The following GRHL2 variants were observed in gnomAD, a reference collection of about 807,000 sequenced individuals.
GRHL2 encodes grainyhead-like protein 2 homolog.
GRHL2 carries 21 observed loss-of-function variants against 83.8 expected under a neutral mutation model. That is an observed-to-expected ratio of 0.25 (90% CI 0.18 to 0.36). The LOEUF (loss-of-function observed/expected upper bound fraction) is 0.36, where lower values mean the gene tolerates loss of function less well. Ranked by LOEUF, GRHL2 falls within the 10% of genes least tolerant of loss-of-function variation. GRHL2 has a pLI of 1.00. For missense variants in GRHL2, 623 were observed against 781.8 expected (o/e 0.80, Z 2.42); for synonymous variants, 280 against 278.9 (o/e 1.00, Z -0.04).
At chr8:101,525,677 A>G (rs1810789198) in intron 1 of GRHL2, among the ~76,000 whole-genome samples, 1 of 152,092 alleles carries the variant, frequency 6.6e-6, no homozygotes, top group South Asian at 2.1e-4. Flanking sequence ...TTTTGAAATG[A>G]AACATAACTG....
chr8:101,514,208 A>G (rs1316139340), intron 1 of GRHL2, among the ~76,000 whole-genome samples: 1 of 152,208 alleles, frequency 6.6e-6, no homozygotes, highest in Non-Finnish European at 1.5e-5. Flanking sequence ...TTTTATGAAT[A>G]CTTGGCTAGA....
At chr8:101,599,451 A>G (rs1271070407) in intron 8 of GRHL2, among the ~76,000 whole-genome samples, 2 of 152,078 alleles carry the variant, frequency 1.3e-5, no homozygotes, top group Non-Finnish European at 2.9e-5. Flanking sequence ...GATTCCCCCA[A>G]AGGCGTCTCT....
At chr8:101,612,971 CTG>C (rs1246102256) in intron 8 of GRHL2, among the ~76,000 whole-genome samples, 12 of 151,080 alleles carry the variant, frequency 7.9e-5, no homozygotes, top group Middle Eastern at 3.4e-3. Context: ...ATTTGACAGA[CTG>C]TGCCACTGGT....
intron 14 of GRHL2, among the ~76,000 whole-genome samples, chr8:101,654,717 G>C (rs556610363): frequency 1.5e-3 from 233 of 152,292 alleles, no homozygotes; most frequent in Non-Finnish European, 2.3e-3. Flanking sequence ...CAGATTTGTT[G>C]AACAGTTTGG....
intron 1 of GRHL2, among the ~76,000 whole-genome samples, chr8:101,501,585 G>A (rs554575589): frequency 2.2e-4 from 34 of 152,172 alleles, no homozygotes; most frequent in Non-Finnish European, 4.4e-4. Context: ...TGGAGTGTGA[G>A]CGGCCAGCAG....
chr8:101,529,523 G>C (rs551712578), intron 1 of GRHL2: 1 of 217,234 alleles, frequency 4.6e-6, no homozygotes, highest in African/African-American at 2.3e-5. Flanking sequence ...TCTTGCTTTA[G>C]TTCAGCAATC....
At chr8:101,661,241 G>A (rs1167628227) in intron 14 of GRHL2, among the ~76,000 whole-genome samples, 3 of 152,140 alleles carry the variant, frequency 2.0e-5, no homozygotes. Context: ...CCAAAAGATT[G>A]GACACCTCTG....
Position 101,661,295 on chromosome 8 carries a change from T to C in GRHL2, c.1699-3159T>C, listed in dbSNP as rs569788825. Reference sequence around the variant, plus strand: ...ACAGCATGCCACTGGTGGCTTTTTTTCCTTCCCCTTTTCTCTAGTTTGGTG... The same window carrying C: ...ACAGCATGCCACTGGTGGCTTTTTTCCCTTCCCCTTTTCTCTAGTTTGGTG... On this transcript the variant is annotated intron_variant, in intron 14 of 15. Transcript: ENST00000646743. Among the ~76,000 whole-genome samples, 41 of 152,332 alleles carry C rather than the reference T, an allele frequency of 2.7e-4. 1 individual carries two copies. The highest frequency in any genetic ancestry group is 8.9e-4 in the African/African-American group (37 of 41,564).
intron 1 of GRHL2, among the ~76,000 whole-genome samples, chr8:101,532,369 A>G (rs1260225081): frequency 6.6e-6 from 1 of 152,234 alleles, no homozygotes; most frequent in Non-Finnish European, 1.5e-5. Context: ...TGAAGTGATT[A>G]CTTAAGTCAG....
intron 8 of GRHL2, among the ~76,000 whole-genome samples, chr8:101,607,207 G>A (rs1488241256): frequency 1.3e-5 from 2 of 152,186 alleles, no homozygotes; most frequent in Non-Finnish European, 1.5e-5. Flanking sequence ...GAAAATTAAA[G>A]TTTTGATAGT....
chr8:101,501,659 T>C (rs1401737826), intron 1 of GRHL2, among the ~76,000 whole-genome samples: 3 of 152,032 alleles, frequency 2.0e-5, no homozygotes, highest in African/African-American at 7.2e-5. Flanking sequence ...ATAATTGGTT[T>C]TGGTTTTAAT....
intron 11 of GRHL2, among the ~76,000 whole-genome samples, chr8:101,632,735 A>G (rs1442037416): frequency 3.3e-5 from 5 of 152,230 alleles, no homozygotes; most frequent in African/African-American, 1.2e-4. Context: ...CTGTAACTGC[A>G]TAAAGTTGCA....
At position 101,514,297 on chromosome 8, in the gene GRHL2, G is replaced by T. The variant is rs1471767589; in HGVS notation, c.20+21508G>T. Among the ~76,000 whole-genome samples the T allele has an allele frequency of 6.6e-5, 10 of 152,312 alleles. No homozygotes were observed. The East Asian group carries it at 1.9e-3, about 29-fold the overall frequency. ...TGGGACCAATAAGTGAAAACAAAGA[G>T]ACTTTGTCTCAGTTTATGTATGTGT... On this transcript the variant is annotated intron_variant, in intron 1 of 15. Transcript: ENST00000646743.
chr8:101,632,398 C>T (rs759881918), intron 11 of GRHL2, 33 bp downstream of exon 11: 1 of 1,613,322 alleles, frequency 6.2e-7, no homozygotes, highest in Non-Finnish European at 8.5e-7. Context: ...CACCTCCCAT[C>T]CATCCACAGG....
intron 1 of GRHL2, among the ~76,000 whole-genome samples, chr8:101,541,150 GT>G (rs1811146019): frequency 3.3e-4 from 1 of 3,010 alleles, no homozygotes; most frequent in African/African-American, 5.9e-4. Context: ...ATTTCATGGT[GT>G]GTGTGTGTGT....
rs1292659546 is a variant in GRHL2, at chr8:101,644,146, T to A, written c.1533T>A (p.Val511=). The change falls in exon 13 of 16, where the codon GTT becomes GTA. Residue 511 remains valine (V), a synonymous_variant. Coordinates refer to ENST00000646743, the MANE Select transcript of GRHL2 (RefSeq NM_024915.4). Reference sequence around the variant, plus strand: ...TCTTTTCTAGTGGCAGTGTCCTTGTTAAACGGATGTTCCGGCCCATGGAAG... The same window carrying A: ...TCTTTTCTAGTGGCAGTGTCCTTGTAAAACGGATGTTCCGGCCCATGGAAG... ...DDEREGGSVL[V]KRMFRPMEEE... 1 of 1,614,138 alleles carries A rather than the reference T, an allele frequency of 6.2e-7. No homozygotes were observed. Among genetic ancestry groups the A allele is most frequent in the South Asian group, 1.1e-5 (1 of 91,076 alleles).
the GRHL2 span, among the ~76,000 whole-genome samples, chr8:101,677,240 G>T: frequency 6.7e-6 from 1 of 149,414 alleles, no homozygotes; most frequent in Non-Finnish European, 1.5e-5. Context: ...TAAAGAAAAG[G>T]CACCAAGATG....
intron 8 of GRHL2, among the ~76,000 whole-genome samples, chr8:101,602,090 T>G (rs1355166266): frequency 6.6e-6 from 1 of 152,246 alleles, no homozygotes; most frequent in Non-Finnish European, 1.5e-5. Context: ...GGTTTCCTGT[T>G]CCTGTGTTAG....
chr8:101,530,170 C>T (rs2127034), intron 1 of GRHL2, among the ~76,000 whole-genome samples: 66,443 of 152,036 alleles, frequency 0.44, 15,421 homozygotes, highest in Non-Finnish European at 0.51. Context: ...ACATTAACCC[C>T]TCCTGCACCA....
Sources: gnomAD v4.1 joint callset for allele counts (sites outside exome capture counted in the v4.1 genomes callset) on GRCh38, gnomAD v4.1.1 for gene constraint, MANE v1.5 for transcripts, NCBI Gene and HGNC (gene_info 2026-07-23, HGNC 2026-07-21) for gene names.